NOSIP: variants seen among roughly 807,000 people sequenced by gnomAD.
NOSIP encodes the protein nitric oxide synthase interacting protein, also known as nitric oxide synthase-interacting protein.
A neutral mutation model predicts 36.4 loss-of-function variants in NOSIP; 25 were observed. That is an observed-to-expected ratio of 0.69 (90% CI 0.50 to 0.96). NOSIP has a LOEUF of 0.96. Ranked by LOEUF, NOSIP falls within the 40% of genes least tolerant of loss-of-function variation. NOSIP has a pLI of 0.00. For missense variants in NOSIP, 370 were observed against 429.0 expected (o/e 0.86, Z 1.21); for synonymous variants, 187 against 179.2 (o/e 1.04, Z -0.35).
chr19:49,564,728 A>T (rs896963116), intron 1 of NOSIP, among the ~76,000 whole-genome samples: 1 of 152,106 alleles, frequency 6.6e-6, no homozygotes, highest in Non-Finnish European at 1.5e-5. Flanking sequence ...CAAGACACAT[A>T]CACTGCCCTA....
chr19:49,572,255 G>A (rs1446303375), intron 1 of NOSIP, among the ~76,000 whole-genome samples: 6 of 150,980 alleles, frequency 4.0e-5, no homozygotes, highest in South Asian at 2.1e-4. Context: ...ACAGGCACCC[G>A]CCACCATGCC....
chr19:49,566,489 C>T (rs890800036), intron 1 of NOSIP, among the ~76,000 whole-genome samples: 2 of 151,042 alleles, frequency 1.3e-5, no homozygotes, highest in African/African-American at 4.9e-5. Context: ...TTTATCCAGG[C>T]AGGGTCTTGC....
rs2080244425 is a variant in NOSIP at position 49,556,310 on chromosome 19, C to G, written c.834+7G>C. ...TGCTGGGGGAAGGGGAGGGGTGGGA[C>G]TCTTACCCGCTGCAGCACGATGATG... On this transcript the variant is annotated splice_region_variant and intron_variant, in intron 8 of 8. Transcript: ENST00000596358. 6.2e-7 allele frequency: 1 copy of G among 1,602,598 alleles called. No homozygotes were observed. Among genetic ancestry groups the G allele is most frequent in the South Asian group, 1.1e-5 (1 of 89,786 alleles).
chr19:49,557,295 G>A, intron 4 of NOSIP, 46 bp from the exon 5 acceptor site: 1 of 1,524,866 alleles, frequency 6.6e-7, no homozygotes, highest in South Asian at 1.2e-5. Context: ...GGGGCTGGGG[G>A]TATCTTCCTC....
intron 1 of NOSIP, among the ~76,000 whole-genome samples, chr19:49,577,890 C>T (rs925652935): frequency 2.0e-5 from 3 of 152,004 alleles, no homozygotes; most frequent in Admixed American, 2.0e-4. Context: ...TGCAAAATAC[C>T]CAGATTAGGC....
chr19:49,573,418 G>A (rs2080511703), intron 1 of NOSIP, among the ~76,000 whole-genome samples: 1 of 152,252 alleles, frequency 6.6e-6, no homozygotes, highest in Admixed American at 6.5e-5. Flanking sequence ...GTTACAGCCC[G>A]TCCCTCGGTA....
intron 1 of NOSIP, among the ~76,000 whole-genome samples, chr19:49,565,185 T>A (rs2080389558): frequency 6.6e-6 from 1 of 151,514 alleles, no homozygotes; most frequent in South Asian, 2.1e-4. Context: ...CTGAGATGGA[T>A]CACCTGAGCC....
Position 49,558,935 on chromosome 19 carries a change from T to A in NOSIP, c.220A>T (p.Ile74Phe). ...LYEREAILEY[I>F]LHQKKEIARQ... ...GCAATCTCCTTCTTCTGGTGCAGAATGTACTCCAGGATGGCCTCACGCTCA... is the reference window on the plus strand; with the variant it reads ...GCAATCTCCTTCTTCTGGTGCAGAAAGTACTCCAGGATGGCCTCACGCTCA... The change falls in exon 4 of 9, where the codon ATT (isoleucine) becomes TTT (phenylalanine). Residue 74 changes from isoleucine (I) to phenylalanine (F), a missense_variant. Physicochemically the swap from Ile to Phe is conservative, Grantham distance 21 (BLOSUM62 0). This residue lies in a region of NOSIP where 315 missense variants were observed against 331.9 expected (regional missense o/e 0.95). Transcript: ENST00000596358. 2 of 1,614,082 alleles carry A rather than the reference T, an allele frequency of 1.2e-6. No homozygotes were observed. The highest frequency in any genetic ancestry group is 1.7e-6 in the Non-Finnish European group (2 of 1,180,008).
intron 4 of NOSIP, chr19:49,557,697 T>G: frequency 3.0e-6 from 3 of 1,000,406 alleles, no homozygotes; most frequent in Non-Finnish European, 3.6e-6. Context: ...GATGTAGACT[T>G]CAGATCTAAG....
chr19:49,558,032 C>G (rs2080278333), intron 4 of NOSIP: 1 of 641,208 alleles, frequency 1.6e-6, no homozygotes, highest in Non-Finnish European at 1.9e-6. Flanking sequence ...GGGGACAGAC[C>G]CACTGTGCCT....
At chr19:49,557,373 G>A in intron 4 of NOSIP, 124 bp from the exon 5 acceptor site, 1 of 1,448,972 alleles carries the variant, frequency 6.9e-7, no homozygotes, top group South Asian at 1.4e-5. Context: ...ATGTGGCAGA[G>A]GGTGGTAACT....
intron 1 of NOSIP, among the ~76,000 whole-genome samples, chr19:49,561,053 T>C (rs1909872426): frequency 6.6e-6 from 1 of 152,124 alleles, no homozygotes; most frequent in South Asian, 2.1e-4. Flanking sequence ...GGGGCCACTA[T>C]TGTTGATGAA....
intron 5 of NOSIP, 38 bp from the exon 6 acceptor site, chr19:49,557,031 G>C: frequency 6.3e-7 from 1 of 1,592,482 alleles, no homozygotes; most frequent in Non-Finnish European, 8.6e-7. Context: ...CCGCCCCCTG[G>C]GCCCGCCCAG....
chr19:49,557,622 A>C, intron 4 of NOSIP: 3 of 1,103,570 alleles, frequency 2.7e-6, no homozygotes, highest in East Asian at 1.1e-4. Context: ...CATTTAATTA[A>C]TGTCACCTGC....
chr19:49,559,762 CAG>C (rs1287401969), intron 3 of NOSIP, 170 bp downstream of exon 3: 5 of 637,320 alleles, frequency 7.8e-6, no homozygotes, highest in Non-Finnish European at 1.1e-5. Context: ...CACTATGAAA[CAG>C]ATGCTAGGAT....
At chr19:49,567,879 C>T (rs533815092) in intron 1 of NOSIP, among the ~76,000 whole-genome samples, 3 of 151,724 alleles carry the variant, frequency 2.0e-5, no homozygotes, top group Admixed American at 6.6e-5. Flanking sequence ...GGGTTCACCA[C>T]GTTGGCCAGG....
In NOSIP at chr19:49,560,760, A is replaced by T; in HGVS notation, c.-1-68T>A. The T allele has an allele frequency of 8.5e-7, 1 of 1,172,406 alleles. No individual in the cohort carries two copies. The highest frequency in any genetic ancestry group is 1.2e-6 in the Non-Finnish European group (1 of 803,114). 72.6% of individuals were successfully genotyped at this position (1,172,406 alleles called of 1,614,324 possible). On this transcript the variant is annotated intron_variant, in intron 1 of 8. Coordinates refer to ENST00000596358, the MANE Select transcript of NOSIP (RefSeq NM_001270960.2). This position sits in a 1 kb window ranked among gnomAD's most constrained non-coding sequence, Gnocchi z 4.6. ...CAGGCAGCACAGGGAAGACCTCTGC[A>T]GCCCTCAGAGCTGATCTGCCCCCCT...
Position 49,557,257 on chromosome 19 carries a change from G to A in NOSIP, c.259-8C>T, listed in dbSNP as rs756135878. The A allele has an allele frequency of 1.5e-5, 23 of 1,571,958 alleles. No individual in the cohort carries two copies. Among genetic ancestry groups the A allele is most frequent in the East Asian group, 4.6e-5 (2 of 43,284 alleles). On this transcript the variant is annotated splice_polypyrimidine_tract_variant and splice_region_variant and intron_variant, in intron 4 of 8. Transcript: ENST00000596358. ...CCGCTGCTTCTCGTAGGCCTGCGTC[G>A]GGGAAAGTGGGCTGAGCATCTGCCC...
At chr19:49,558,033 C>T (rs1049275300) in intron 4 of NOSIP, 1 of 621,638 alleles carries the variant, frequency 1.6e-6, no homozygotes, top group Non-Finnish European at 2.0e-6. Flanking sequence ...GGGACAGACC[C>T]ACTGTGCCTC....
Sources: allele counts gnomAD v4.1 joint callset (sites outside exome capture counted in the v4.1 genomes callset), GRCh38; gene constraint gnomAD v4.1.1; regional missense constraint gnomAD v4.1.1; non-coding constraint Gnocchi (gnomAD v3.1); transcripts MANE v1.5; gene names NCBI Gene and HGNC (gene_info 2026-07-23, HGNC 2026-07-21).